Variants in PRKDC observed in about 807,000 individuals in gnomAD.
The protein encoded by PRKDC is protein kinase, DNA-activated, catalytic subunit.
Under a neutral mutation model 486.9 loss-of-function variants are expected in PRKDC, and 82 were observed. The ratio of observed to expected loss-of-function variants is 0.17; its 90% CI spans 0.14 to 0.20. The LOEUF is 0.20. Among genes scored for constraint, PRKDC ranks in the 10% least tolerant of loss-of-function variants. The pLI is 1.00. For missense variants in PRKDC, 4,504 were observed against 5,038.2 expected, an observed-to-expected ratio of 0.89 and a Z score of 3.21; for synonymous variants, 1,895 against 1,837.0, an observed-to-expected ratio of 1.03 and a Z score of -0.81.
At chr8:47,801,212 C>T (rs1193098748) in intron 70 of PRKDC, among the ~76,000 whole-genome samples, 1 of 152,140 alleles carries the variant, frequency 6.6e-6, no homozygotes, top group Non-Finnish European at 1.5e-5. Context: ...GCTGGGACTA[C>T]AGGCTTGCAC....
At chr8:47,885,882 ACT>A (rs1213391611) in intron 36 of PRKDC, 60 bp downstream of exon 36, 20 of 1,519,996 alleles carry the variant, frequency 1.3e-5, no homozygotes, top group African/African-American at 8.2e-5. Context: ...AAAGTGCAAG[ACT>A]CTGTCTCAAA....
chr8:47,785,157 C>G lies in PRKDC; in HGVS notation c.11063G>C (p.Ser3688Thr). 4 of 1,613,944 alleles carry G rather than the reference C, an allele frequency of 2.5e-6. No individual in the cohort carries two copies. The South Asian group carries it at 4.4e-5, about 18-fold the overall frequency. ...GNLKECSPWMSDFKVEFLRNE... is the reference protein window; with the variant it reads ...GNLKECSPWMTDFKVEFLRNE... ...TCTCAGGAACTCCACTTTGAAGTCG[C>G]TCATCCAGGGTGAACATTCTTTCAG... Residue 3688 changes from serine to threonine, a missense_variant, in exon 77 of 86, where the codon AGC (serine) becomes ACC (threonine). Coordinates refer to ENST00000314191, the MANE Select transcript of PRKDC (RefSeq NM_006904.7).
At chr8:47,877,941 T>G in intron 39 of PRKDC, 90 bp from the exon 40 acceptor site, 1 of 949,800 alleles carries the variant, frequency 1.1e-6, no homozygotes, top group South Asian at 4.2e-5. Context: ...ATAAAAAGTT[T>G]CTTATATAAT....
intron 63 of PRKDC, 36 bp downstream of exon 63, chr8:47,826,620 C>T: frequency 6.4e-7 from 1 of 1,574,248 alleles, no homozygotes; most frequent in African/African-American, 1.3e-5. Context: ...TGGTCAAATC[C>T]AGTGTGCTCC....
intron 25 of PRKDC, among the ~76,000 whole-genome samples, chr8:47,911,546 C>T (rs2089903373): frequency 6.6e-6 from 1 of 152,150 alleles, no homozygotes; most frequent in South Asian, 2.1e-4. Flanking sequence ...TACTGCTGGA[C>T]TATATCCACT....
At chr8:47,938,680 G>C (rs2090393030) in intron 11 of PRKDC, among the ~76,000 whole-genome samples, 2 of 151,992 alleles carry the variant, frequency 1.3e-5, no homozygotes, top group Admixed American at 6.6e-5. Flanking sequence ...TCCTGCCTCA[G>C]CCTCCCAAGC....
At chr8:47,871,336 G>A (rs1022639563) in intron 40 of PRKDC, among the ~76,000 whole-genome samples, 1 of 151,920 alleles carries the variant, frequency 6.6e-6, no homozygotes, top group Non-Finnish European at 1.5e-5. Flanking sequence ...CCCAAGAGAA[G>A]CAAGGGGAAA....
chr8:47,836,672 C>A (rs780821839), intron 57 of PRKDC, 145 bp from the exon 58 acceptor site: 3 of 784,096 alleles, frequency 3.8e-6, no homozygotes, highest in Non-Finnish European at 5.7e-6. Flanking sequence ...GAAGAAGAAC[C>A]TTCTCTAATT....
rs746546809 is a variant in PRKDC, at chr8:47,890,336, T to C, written c.3992A>G (p.Asn1331Ser). 4.3e-6 allele frequency: 7 copies of C among 1,613,564 alleles called. No individual in the cohort carries two copies. The highest frequency in any genetic ancestry group is 5.9e-6 in the Non-Finnish European group (7 of 1,179,810). The part of the protein sequence containing the change: ...RTSPQEGERY[N>S]YSKCTVVVRI... ...GACCACAACGGTGCATTTGCTGTAGTTGTACCTTTCTCCCTCTTGTGGGCT... is the reference window on the plus strand; with the variant it reads ...GACCACAACGGTGCATTTGCTGTAGCTGTACCTTTCTCCCTCTTGTGGGCT... Residue 1331 changes from asparagine (N) to serine (S), a missense_variant, in exon 32 of 86, where the codon AAC becomes AGC. Coordinates refer to ENST00000314191, the MANE Select transcript of PRKDC (RefSeq NM_006904.7).
Position 47,774,248 on chromosome 8 carries a change from C to CA in PRKDC, c.12311dup (p.Lys4105GlufsTer33). On this transcript the variant is annotated frameshift_variant, in exon 86 of 86. Coordinates refer to ENST00000314191, the MANE Select transcript of PRKDC (RefSeq NM_006904.7). LOFTEE classifies it high-confidence loss of function. ...CTGTTGCCTGGTCCATCAGGCACTTCACTTGAGTCTCTTCTGAAAGCCCAC... is the reference window on the plus strand; with the variant it reads ...CTGTTGCCTGGTCCATCAGGCACTTCAACTTGAGTCTCTTCTGAAAGCCCAC... The CA allele has an allele frequency of 6.2e-7, 1 of 1,606,372 alleles. No individual in the cohort carries two copies.
At chr8:47,791,242 C>T (rs2086877358) in intron 74 of PRKDC, among the ~76,000 whole-genome samples, 1 of 152,072 alleles carries the variant, frequency 6.6e-6, no homozygotes, top group Non-Finnish European at 1.5e-5. Context: ...TATGGGAGGC[C>T]AAGGTGGGCA....
At chr8:47,957,551 C>T (rs769584139) in intron 1 of PRKDC, 120 bp from the exon 2 acceptor site, 5 of 844,998 alleles carry the variant, frequency 5.9e-6, no homozygotes, top group Non-Finnish European at 9.0e-6. Flanking sequence ...CGCTCTGTCG[C>T]CCAGGCTGGA....
At chr8:47,784,477 A>G (rs1215367151) in intron 77 of PRKDC, among the ~76,000 whole-genome samples, 1 of 152,190 alleles carries the variant, frequency 6.6e-6, no homozygotes, top group Non-Finnish European at 1.5e-5. Context: ...AACAAAGAAA[A>G]GTGTTTCTCC....
chr8:47,927,692 G>A, intron 20 of PRKDC, 79 bp downstream of exon 20: 1 of 1,400,124 alleles, frequency 7.1e-7, no homozygotes, highest in East Asian at 2.7e-5. Flanking sequence ...GGACTGCCAG[G>A]GCAAGAGGAT....
At chr8:47,906,970 G>A (rs1302089612) in intron 25 of PRKDC, among the ~76,000 whole-genome samples, 2 of 151,218 alleles carry the variant, frequency 1.3e-5, no homozygotes, top group African/African-American at 2.4e-5. Context: ...AATATAAAAG[G>A]GTCTTAACTT....
chr8:47,891,510 G>A (rs558630737), intron 31 of PRKDC, among the ~76,000 whole-genome samples: 1 of 152,094 alleles, frequency 6.6e-6, no homozygotes, highest in Admixed American at 6.6e-5. Context: ...CACGAGGTCA[G>A]GAGATCGAGA....
chr8:47,781,422 T>C (rs906589538), intron 80 of PRKDC, among the ~76,000 whole-genome samples: 1 of 152,180 alleles, frequency 6.6e-6, no homozygotes, highest in African/African-American at 2.4e-5. Flanking sequence ...CTGCTCCTAT[T>C]TAAAAACTTT....
intron 76 of PRKDC, among the ~76,000 whole-genome samples, chr8:47,788,184 C>A (rs1056653305): frequency 6.6e-6 from 1 of 152,222 alleles, no homozygotes. Context: ...AGAGGAAGAA[C>A]ATTCGACTCT....
At chr8:47,891,997 T>C (rs983853753) in intron 31 of PRKDC, among the ~76,000 whole-genome samples, 6 of 151,898 alleles carry the variant, frequency 4.0e-5, no homozygotes, top group Admixed American at 3.3e-4. Context: ...GCCTCCCGAG[T>C]AGCTGGGATT....
Sources: gnomAD v4.1 joint callset for allele counts (sites outside exome capture counted in the v4.1 genomes callset) on GRCh38, gnomAD v4.1.1 for gene constraint, MANE v1.5 for transcripts, NCBI Gene and HGNC (gene_info 2026-07-23, HGNC 2026-07-21) for gene names.